MTM1: variants seen among roughly 807,000 people sequenced by gnomAD.
The protein encoded by MTM1 is myotubularin.
A neutral mutation model predicts 52.1 loss-of-function variants in MTM1; 9 were observed. The observed-to-expected ratio is 0.17, with a 90% CI of 0.10 to 0.30. The LOEUF is 0.30. Ranked by LOEUF, MTM1 falls within the 10% of genes least tolerant of loss-of-function variation. The pLI, the probability that MTM1 is intolerant of heterozygous loss-of-function variation, is 1.00. For synonymous variants in MTM1, 136 were observed against 163.8 expected (o/e 0.83, Z 1.29); for missense variants, 277 against 470.7 (o/e 0.59, Z 3.81).
intron 4 of MTM1, among the ~76,000 whole-genome samples, chrX:150,606,346 T>C (rs1333708353): frequency 8.9e-6 from 1 of 111,942 alleles, no homozygotes; most frequent in Admixed American, 9.4e-5. Context: ...CCCATGCTAA[T>C]CCCCAAACTT....
At chrX:150,634,584 G>T (rs2039724663) in intron 6 of MTM1, among the ~76,000 whole-genome samples, 1 of 98,430 alleles carries the variant, frequency 1.0e-5, no homozygotes, top group South Asian at 4.7e-4. Flanking sequence ...TTTTTAATCC[G>T]GAAACAATGC....
chrX:150,573,347 G>A (rs903740476), intron 1 of MTM1, among the ~76,000 whole-genome samples: 64 of 112,491 alleles, frequency 5.7e-4, no homozygotes, highest in African/African-American at 2.0e-3. Context: ...AGCAGTTTGA[G>A]TACAGATTAG....
intron 4 of MTM1, among the ~76,000 whole-genome samples, chrX:150,611,493 T>G (rs2039276541): frequency 8.9e-6 from 1 of 112,090 alleles, no homozygotes; most frequent in Admixed American, 9.5e-5. Flanking sequence ...CTTTTTTGCT[T>G]TTTTATTTTG....
chrX:150,581,990 A>G lies in MTM1; in HGVS notation c.-10-10615A>G, dbSNP rs1306845226. On this transcript the variant is annotated intron_variant, in intron 1 of 14. Transcript: ENST00000370396. The stretch of plus-strand genomic sequence containing the variant: ...TACTCTGTTTTGCTTTAATTGTATC[A>G]CCTCTGTTATTGTCTTTATTACTAT... Among the ~76,000 whole-genome samples, 8 of 111,022 alleles carry G rather than the reference A, an allele frequency of 7.2e-5. No individual in the cohort carries two copies. The East Asian group carries it at 1.7e-3, about 23-fold the overall frequency.
intron 14 of MTM1, among the ~76,000 whole-genome samples, chrX:150,667,068 C>A (rs1260475443): frequency 8.9e-6 from 1 of 111,963 alleles, no homozygotes; most frequent in East Asian, 2.8e-4. Flanking sequence ...GCATGGCAGC[C>A]AAAGCAGATC....
At chrX:150,607,160 G>T (rs1407901589) in intron 4 of MTM1, among the ~76,000 whole-genome samples, 1 of 108,868 alleles carries the variant, frequency 9.2e-6, no homozygotes, top group Non-Finnish European at 1.9e-5. Flanking sequence ...GTTAATTTTT[G>T]TATTTTTAGT....
At chrX:150,587,782 AT>A (rs782791353) in intron 1 of MTM1, among the ~76,000 whole-genome samples, 4 of 111,649 alleles carry the variant, frequency 3.6e-5, no homozygotes, top group Non-Finnish European at 7.5e-5. Context: ...AATGGTTCTC[AT>A]TGGGGGTGAC....
At chrX:150,660,523 G>T in intron 13 of MTM1, 39 bp downstream of exon 13, 3 of 847,380 alleles carry the variant, frequency 3.5e-6, no homozygotes, top group Non-Finnish European at 5.3e-6. Flanking sequence ...CATTAGGCTT[G>T]CCAAAATGTA....
chrX:150,626,745 TCATTTTCAGA>T (rs1297077390), intron 6 of MTM1, among the ~76,000 whole-genome samples: 1 of 112,073 alleles, frequency 8.9e-6, no homozygotes, highest in Non-Finnish European at 1.9e-5. Context: ...AAGAAACAAC[TCATTTTCAGA>T]GGGACACTGA....
intron 7 of MTM1, 134 bp from the exon 8 acceptor site, chrX:150,641,131 TATAA>T: frequency 1.6e-6 from 1 of 606,973 alleles, no homozygotes; most frequent in Non-Finnish European, 2.6e-6. Context: ...GCACCCTTAT[TATAA>T]ATAGGTAGAC....
chrX:150,580,340 T>C (rs1248816510), intron 1 of MTM1, among the ~76,000 whole-genome samples: 2 of 112,158 alleles, frequency 1.8e-5, no homozygotes, highest in East Asian at 5.6e-4. Flanking sequence ...CTAGTGTCGA[T>C]AACAGAATTT....
chrX:150,585,117 G>C (rs2038762899), intron 1 of MTM1, among the ~76,000 whole-genome samples: 1 of 110,000 alleles, frequency 9.1e-6, no homozygotes, highest in African/African-American at 3.3e-5. Context: ...GTGTGTGTGG[G>C]GGGAGGTCAG....
chrX:150,651,485 G>GTTTTTTTTTTTTTTTTTTTTTTT (rs56302527), intron 10 of MTM1, among the ~76,000 whole-genome samples: 2 of 74,840 alleles, frequency 2.7e-5, no homozygotes, highest in African/African-American at 1.0e-4. Context: ...CAATTAGGTT[G>GTTTTTTTTTTTTTTTTTTTTTTT]TTTTTTTTTT....
intron 14 of MTM1, among the ~76,000 whole-genome samples, chrX:150,668,485 G>A (rs1206467580): frequency 2.9e-5 from 3 of 104,284 alleles, no homozygotes; most frequent in African/African-American, 7.1e-5. Context: ...CCAGAAATTC[G>A]AGACCAGCCT....
chrX:150,665,361 A>C (rs1557414887), intron 14 of MTM1, among the ~76,000 whole-genome samples: 1 of 112,499 alleles, frequency 8.9e-6, no homozygotes, highest in Non-Finnish European at 1.9e-5. Flanking sequence ...GGCGGCCAGA[A>C]ACATAAGCCA....
chrX:150,627,672 G>A (rs1280204530), intron 6 of MTM1, among the ~76,000 whole-genome samples: 1 of 111,695 alleles, frequency 9.0e-6, no homozygotes, highest in Non-Finnish European at 1.9e-5. Flanking sequence ...AGGTGTGTGT[G>A]TTTGCTGGCT....
chrX:150,587,787 G>A (rs782562364), intron 1 of MTM1, among the ~76,000 whole-genome samples: 15 of 111,789 alleles, frequency 1.3e-4, no homozygotes, highest in African/African-American at 3.9e-4. Flanking sequence ...TTCTCATTGG[G>A]GGTGACGCTC....
At chrX:150,618,101 A>G (rs1557413181) in intron 5 of MTM1, among the ~76,000 whole-genome samples, 2 of 112,129 alleles carry the variant, frequency 1.8e-5, no homozygotes, top group Non-Finnish European at 3.8e-5. Context: ...TACCTTTAAA[A>G]TCTGGTTTTG....
intron 2 of MTM1, among the ~76,000 whole-genome samples, chrX:150,593,265 T>A (rs1045487219): frequency 8.9e-6 from 1 of 112,662 alleles, no homozygotes; most frequent in African/African-American, 3.2e-5. Flanking sequence ...GACCTCATGT[T>A]TAAGGTACTA....
Sources: allele counts gnomAD v4.1 joint callset (sites outside exome capture counted in the v4.1 genomes callset), GRCh38; gene constraint gnomAD v4.1.1; transcripts MANE v1.5; gene names NCBI Gene and HGNC (gene_info 2026-07-23, HGNC 2026-07-21).